The following ETV7 variants were observed in gnomAD, a reference collection of about 807,000 sequenced individuals.
ETV7 encodes ETS variant transcription factor 7, also known as transcription factor ETV7.
ETV7 carries 43 observed loss-of-function variants against 39.1 expected under a neutral mutation model. The observed-to-expected ratio is 1.10, with a 90% CI of 0.86 to 1.42. The LOEUF (loss-of-function observed/expected upper bound fraction) is 1.42, where lower values mean the gene tolerates loss of function less well. ETV7 is among the 40% of genes most tolerant of loss of function. The pLI is 0.00. For synonymous variants in ETV7, 196 were observed against 176.6 expected, an observed-to-expected ratio of 1.11 and a Z score of -0.87; for missense variants, 432 against 442.3, an observed-to-expected ratio of 0.98 and a Z score of 0.21.
At chr6:36,387,140 C>T (rs914546653) in intron 1 of ETV7, among the ~76,000 whole-genome samples, 2 of 152,030 alleles carry the variant, frequency 1.3e-5, no homozygotes, top group African/African-American at 4.8e-5. Context: ...AGAAAACCGG[C>T]GAGTGGGGAG....
chr6:36,362,983 G>A (rs765534048), downstream of ETV7, among the ~76,000 whole-genome samples: 1 of 152,246 alleles, frequency 6.6e-6, no homozygotes, highest in Non-Finnish European at 1.5e-5. Context: ...GGTGGCTTCA[G>A]GAGCGAAGAA....
intron 3 of ETV7, 63 bp from the exon 4 acceptor site, chr6:36,373,641 TC>T: frequency 6.8e-7 from 1 of 1,473,494 alleles, no homozygotes; most frequent in South Asian, 1.4e-5. Flanking sequence ...GCCAGCCTCA[TC>T]CCCCTGCAGC....
intron 2 of ETV7, among the ~76,000 whole-genome samples, chr6:36,378,239 G>GAAAAAAAAAAAAA (rs1461350471): frequency 1.7e-5 from 1 of 57,602 alleles, no homozygotes. Flanking sequence ...AATCTAATAT[G>GAAAAAAAAAAAAA]GAAAAAAAAA....
intron 3 of ETV7, among the ~76,000 whole-genome samples, chr6:36,374,061 G>A (rs78543984): frequency 0.031 from 4,760 of 152,234 alleles, 122 homozygotes; most frequent in Middle Eastern, 0.065. Flanking sequence ...TCAATAAATG[G>A]TTGAAGAAAG....
downstream of ETV7, among the ~76,000 whole-genome samples, chr6:36,365,168 T>A (rs1280410373): frequency 1.3e-5 from 2 of 152,196 alleles, no homozygotes; most frequent in East Asian, 3.9e-4. Context: ...CTATTCTTGG[T>A]TAAATGAAAA....
chr6:36,384,532 G>A (rs1773801835), intron 2 of ETV7, among the ~76,000 whole-genome samples: 2 of 152,210 alleles, frequency 1.3e-5, no homozygotes, highest in Admixed American at 6.5e-5. Flanking sequence ...GGGCTCAGAG[G>A]AGAGTTGTGG....
At chr6:36,376,516 G>A (rs182143932) in intron 2 of ETV7, among the ~76,000 whole-genome samples, 412 of 152,280 alleles carry the variant, frequency 2.7e-3, no homozygotes, top group Middle Eastern at 0.014. Context: ...GGTGGCTCAT[G>A]CCTGTAATCT....
At position 36,385,604 on chromosome 6, in the gene ETV7, C is replaced by A. The variant is rs757829105; in HGVS notation, c.72G>T (p.Val24=). 6.2e-7 allele frequency: 1 copy of A among 1,614,228 alleles called. No individual in the cohort carries two copies. Among genetic ancestry groups the A allele is most frequent in the East Asian group, 2.2e-5 (1 of 44,882 alleles). Residue 24 remains valine, a synonymous_variant, in exon 2 of 8, where the codon GTG becomes GTT. Coordinates refer to ENST00000340181, the MANE Select transcript of ETV7 (RefSeq NM_016135.4). The stretch of plus-strand genomic sequence containing the variant: ...TAATTTGAGCTTCACATCTGGCTTG[C>A]ACGTGGGTGCCTAGGGGAGGCATGG... ...VAAMPPLGTH[V]QARCEAQINL...
chr6:36,386,437 C>A (rs7745437), intron 1 of ETV7, among the ~76,000 whole-genome samples: 45,829 of 151,922 alleles, frequency 0.3, 6,973 homozygotes, highest in East Asian at 0.39. Context: ...CAACAATCAG[C>A]ATGGCCCCCA....
intron 2 of ETV7, among the ~76,000 whole-genome samples, chr6:36,384,064 A>G (rs896080973): frequency 3.9e-5 from 6 of 152,148 alleles, no homozygotes; most frequent in African/African-American, 1.4e-4. Context: ...CCCCTTACCC[A>G]CTGGTTGGAA....
At chr6:36,365,117 G>T (rs913689030), downstream of ETV7, among the ~76,000 whole-genome samples, 4 of 152,212 alleles carry the variant, frequency 2.6e-5, no homozygotes, top group Admixed American at 6.5e-5. Context: ...GGCTGAGGTA[G>T]TTTCCTCCTT....
intron 7 of ETV7, among the ~76,000 whole-genome samples, chr6:36,356,652 C>T (rs1456613175): frequency 6.6e-6 from 1 of 152,180 alleles, no homozygotes; most frequent in Non-Finnish European, 1.5e-5. Flanking sequence ...GTTGCTGTGG[C>T]CACGGAAATG....
At chr6:36,372,773 C>T (rs543603106) in intron 4 of ETV7, among the ~76,000 whole-genome samples, 5 of 142,988 alleles carry the variant, frequency 3.5e-5, no homozygotes, top group African/African-American at 1.3e-4. Context: ...TACTAGATGC[C>T]CCAGTGGAGG....
At chr6:36,369,687 T>C (rs1416422311) in intron 5 of ETV7, among the ~76,000 whole-genome samples, 2 of 152,074 alleles carry the variant, frequency 1.3e-5, no homozygotes, top group Admixed American at 6.6e-5. Flanking sequence ...TTGTATGGGG[T>C]GGTGAGAGAA....
At chr6:36,362,728 T>G (rs1018472326), downstream of ETV7, among the ~76,000 whole-genome samples, 2 of 152,164 alleles carry the variant, frequency 1.3e-5, no homozygotes, top group Non-Finnish European at 2.9e-5. Flanking sequence ...AGTGCAGAGT[T>G]CCGGAGTCGG....
At position 36,377,775 on chromosome 6, in the gene ETV7, C is replaced by G. The variant is rs371037940; in HGVS notation, c.143-1740G>C. Among the ~76,000 whole-genome samples, 96 of 152,288 alleles carry G rather than the reference C, an allele frequency of 6.3e-4. 3 individuals carry two copies. In the South Asian group the frequency reaches 0.018, roughly 29 times the overall value. On this transcript the variant is annotated intron_variant, in intron 2 of 7. Transcript: ENST00000340181. Reference sequence around the variant, plus strand: ...CAGGGCTAGGGACACGGCACAGAACCAGGCTGGCAGGAGGGAGGAGCCCCA... The same window carrying G: ...CAGGGCTAGGGACACGGCACAGAACGAGGCTGGCAGGAGGGAGGAGCCCCA...
At chr6:36,364,140 A>ACCAGACTCAGGAGC (rs1399506692), downstream of ETV7, among the ~76,000 whole-genome samples, 1 of 152,200 alleles carries the variant, frequency 6.6e-6, no homozygotes, top group African/African-American at 2.4e-5. Flanking sequence ...CCACCTCCCC[A>ACCAGACTCAGGAGC]CCAGACTCAG....
At chr6:36,370,942 G>A (rs1014000436) in intron 5 of ETV7, among the ~76,000 whole-genome samples, 2 of 152,176 alleles carry the variant, frequency 1.3e-5, no homozygotes, top group Non-Finnish European at 2.9e-5. Flanking sequence ...TGTGAAATGG[G>A]GCTAATAATA....
At chr6:36,377,076 T>C (rs78271237) in intron 2 of ETV7, among the ~76,000 whole-genome samples, 194 of 152,342 alleles carry the variant, frequency 1.3e-3, no homozygotes, top group African/African-American at 3.9e-3. Flanking sequence ...CTGGGACTGC[T>C]ACGCTCCTAA....
Sources: allele counts gnomAD v4.1 joint callset (sites outside exome capture counted in the v4.1 genomes callset), GRCh38; gene constraint gnomAD v4.1.1; transcripts MANE v1.5; gene names NCBI Gene and HGNC (gene_info 2026-07-23, HGNC 2026-07-21).